The following TMPRSS6 variants were observed in gnomAD, a reference collection of about 807,000 sequenced individuals.
TMPRSS6 encodes transmembrane serine protease 6, also known as transmembrane protease serine 6.
TMPRSS6 carries 67 observed loss-of-function variants against 101.5 expected under a neutral mutation model. The observed-to-expected ratio is 0.66, with a 90% CI of 0.54 to 0.81. The LOEUF is 0.81. Ranked by LOEUF, TMPRSS6 falls within the 30% of genes least tolerant of loss-of-function variation. The pLI is 0.00. For missense variants in TMPRSS6, 1,034 were observed against 1,088.7 expected (o/e 0.95, Z 0.71); for synonymous variants, 453 against 464.9 (o/e 0.97, Z 0.33).
chr22:37,105,285 G>A (rs1050294654), intron 1 of TMPRSS6, among the ~76,000 whole-genome samples: 1 of 152,210 alleles, frequency 6.6e-6, no homozygotes, highest in South Asian at 2.1e-4. Context: ...CCACAACTAA[G>A]CTAGGACATT....
Position 37,069,031 on chromosome 22 carries a change from A to ACGGTCTCCCTCCGCCTCCCGC in TMPRSS6, c.2113+21_2113+41dup. 2.0e-6 allele frequency: 3 copies of ACGGTCTCCCTCCGCCTCCCGC among 1,533,048 alleles called. No homozygotes were observed. Among genetic ancestry groups the ACGGTCTCCCTCCGCCTCCCGC allele is most frequent in the Non-Finnish European group, 2.6e-6 (3 of 1,146,154 alleles). 95.0% of individuals were successfully genotyped at this position (1,533,048 alleles called of 1,614,324 possible). ...GCCAGGTGTTACGGCGCAGATCCGC[A>ACGGTCTCCCTCCGCCTCCCGC]CGGTCTCCCTCCGCCTCCCGCCGCA... is the stretch of plus-strand genomic sequence containing the variant. On this transcript the variant is annotated intron_variant, in intron 16 of 17. Coordinates refer to ENST00000676104, the MANE Select transcript of TMPRSS6 (RefSeq NM_001374504.1). The surrounding 1 kb of genome is among the most constrained non-coding windows in gnomAD (Gnocchi z 4.8).
intron 16 of TMPRSS6, among the ~76,000 whole-genome samples, chr22:37,068,461 A>G (rs1343435936): frequency 5.3e-5 from 8 of 152,222 alleles, no homozygotes; most frequent in Non-Finnish European, 7.3e-5. Context: ...TGTGTCCCCA[A>G]AACTGTGCGG....
chr22:37,100,348 G>GGAGGCAGGGCA (rs1241438800), intron 2 of TMPRSS6, among the ~76,000 whole-genome samples: 1 of 152,252 alleles, frequency 6.6e-6, no homozygotes, highest in Non-Finnish European at 1.5e-5. Flanking sequence ...AAGGCTCTAA[G>GGAGGCAGGGCA]GAGGCAGGGC....
intron 1 of TMPRSS6, among the ~76,000 whole-genome samples, chr22:37,108,470 C>A (rs1156943411): frequency 6.6e-6 from 1 of 152,190 alleles, no homozygotes; most frequent in Non-Finnish European, 1.5e-5. Context: ...CTGAAGCAGT[C>A]CCCCAGCTCT....
Position 37,090,202 on chromosome 22 carries a change from T to C in TMPRSS6, c.632-420A>G, listed in dbSNP as rs544954682. Among the ~76,000 whole-genome samples the C allele has an allele frequency of 1.2e-4, 18 of 152,284 alleles. No individual in the cohort carries two copies. In the South Asian group the frequency reaches 3.7e-3, roughly 32 times the overall value. On this transcript the variant is annotated intron_variant, in intron 6 of 17. Coordinates refer to ENST00000676104, the MANE Select transcript of TMPRSS6 (RefSeq NM_001374504.1). Reference sequence around the variant, plus strand: ...GAGGCTGGGGCGAGCCGGGCAGCTTTGAGAAAAGTACACACAGGGCACGTG... The same window carrying C: ...GAGGCTGGGGCGAGCCGGGCAGCTTCGAGAAAAGTACACACAGGGCACGTG...
chr22:37,072,720 TGATG>T (rs546179603), intron 13 of TMPRSS6, among the ~76,000 whole-genome samples: 48 of 134,538 alleles, frequency 3.6e-4, no homozygotes, highest in African/African-American at 9.8e-4. Flanking sequence ...GATGGATGGA[TGATG>T]GATGGATGGA....
chr22:37,073,732 A>T (rs1177190019), intron 12 of TMPRSS6, 87 bp from the exon 13 acceptor site: 6 of 823,114 alleles, frequency 7.3e-6, no homozygotes, highest in South Asian at 2.7e-5. Flanking sequence ...GGTGTGCTGT[A>T]TTGCACGTTA....
At chr22:37,095,849 A>T in intron 5 of TMPRSS6, 57 bp downstream of exon 5, 3 of 1,605,516 alleles carry the variant, frequency 1.9e-6, no homozygotes, top group Non-Finnish European at 2.6e-6. Context: ...GCCACACCAC[A>T]GCTTGTTTCC....
At chr22:37,083,332 A>T (rs1928411563) in intron 10 of TMPRSS6, among the ~76,000 whole-genome samples, 1 of 152,108 alleles carries the variant, frequency 6.6e-6, no homozygotes, top group Non-Finnish European at 1.5e-5. Context: ...CCAACAATGG[A>T]GCCATGGGAG....
chr22:37,068,907 ATGG>A (rs1395503721), intron 16 of TMPRSS6, among the ~76,000 whole-genome samples, 163 bp downstream of exon 16: 1 of 152,250 alleles, frequency 6.6e-6, no homozygotes, highest in Non-Finnish European at 1.5e-5. Context: ...GCCGCATTAA[ATGG>A]TGGTTTTCTA....
At chr22:37,085,193 G>A (rs140133474) in intron 8 of TMPRSS6, among the ~76,000 whole-genome samples, 168 of 152,304 alleles carry the variant, frequency 1.1e-3, no homozygotes, top group African/African-American at 3.9e-3. Flanking sequence ...AGAGAGAGCT[G>A]TTCCCCTTTT....
chr22:37,075,013 ACACT>A, intron 11 of TMPRSS6, 118 bp downstream of exon 11: 10 of 1,506,186 alleles, frequency 6.6e-6, no homozygotes, highest in Non-Finnish European at 9.2e-6. Context: ...ACACACACAC[ACACT>A]CTCTCTCTCC....
At chr22:37,106,436 C>T (rs1220541843) in intron 1 of TMPRSS6, among the ~76,000 whole-genome samples, 1 of 152,060 alleles carries the variant, frequency 6.6e-6, no homozygotes, top group Non-Finnish European at 1.5e-5. Flanking sequence ...CAGATTTTGC[C>T]TCCCTCTAAA....
chr22:37,074,887 C>T (rs1191427221), intron 11 of TMPRSS6, among the ~76,000 whole-genome samples, 179 bp from the exon 12 acceptor site: 2 of 152,266 alleles, frequency 1.3e-5, no homozygotes, highest in Non-Finnish European at 2.9e-5. Flanking sequence ...TCCAGACACA[C>T]ACACAGAATA....
chr22:37,108,166 A>G (rs185832721), intron 1 of TMPRSS6, among the ~76,000 whole-genome samples: 1 of 152,330 alleles, frequency 6.6e-6, no homozygotes, highest in East Asian at 1.9e-4. Flanking sequence ...TTATGGATTA[A>G]GAGCAGCCAG....
intron 1 of TMPRSS6, among the ~76,000 whole-genome samples, chr22:37,106,459 C>A (rs897202833): frequency 8.5e-5 from 13 of 152,240 alleles, no homozygotes; most frequent in African/African-American, 2.4e-4. Flanking sequence ...CCCCTCGCAT[C>A]CATCTGGGAG....
chr22:37,068,811 C>A, intron 16 of TMPRSS6: 2 of 712,702 alleles, frequency 2.8e-6, no homozygotes, highest in Admixed American at 2.2e-5. Context: ...TGGGCAGTGG[C>A]GTCCCAGACC....
At position 37,070,495 on chromosome 22, in the gene TMPRSS6, G is replaced by T. The variant is rs1926784117; in HGVS notation, c.1830C>A (p.Phe610Leu). The T allele has an allele frequency of 6.2e-7, 1 of 1,613,336 alleles. No homozygotes were observed. Among genetic ancestry groups the T allele is most frequent in the African/African-American group, 1.3e-5 (1 of 74,904 alleles). ...ACCCTCCCGCTCACCTGTCCTCCTG[G>T]AAGCAGTGGGCAGCTGTTATCACCC... Reference protein sequence around the residue: ...DRWVITAAHCFQEDSMASTVL... With the variant: ...DRWVITAAHCLQEDSMASTVL... Residue 610 changes from phenylalanine to leucine, a missense_variant, in exon 15 of 18, where the codon TTC becomes TTA. Transcript: ENST00000676104.
At chr22:37,105,199 C>T (rs866143889) in intron 1 of TMPRSS6, among the ~76,000 whole-genome samples, 1 of 152,276 alleles carries the variant, frequency 6.6e-6, no homozygotes, top group Middle Eastern at 3.4e-3. Flanking sequence ...GCCACAGTGA[C>T]TCTGTTGAGC....
Sources: allele counts gnomAD v4.1 joint callset (sites outside exome capture counted in the v4.1 genomes callset), GRCh38; gene constraint gnomAD v4.1.1; non-coding constraint Gnocchi (gnomAD v3.1); transcripts MANE v1.5; gene names NCBI Gene and HGNC (gene_info 2026-07-23, HGNC 2026-07-21).